Variants in RANBP9 observed in about 807,000 individuals in gnomAD.
RANBP9 encodes the protein RAN binding protein 9, also known as ran-binding protein 9.
A neutral mutation model predicts 84.3 loss-of-function variants in RANBP9; 15 were observed. That is an observed-to-expected ratio of 0.18 (90% confidence interval 0.12 to 0.27). The LOEUF (loss-of-function observed/expected upper bound fraction) is 0.27. Ranked by LOEUF, RANBP9 falls within the 10% of genes least tolerant of loss-of-function variation. The pLI, the probability that RANBP9 is intolerant of heterozygous loss-of-function variation, is 1.00. For synonymous variants in RANBP9, 392 were observed against 349.6 expected, an observed-to-expected ratio of 1.12 and a Z score of -1.35; for missense variants, 809 against 912.8, an observed-to-expected ratio of 0.89 and a Z score of 1.46.
At chr6:13,695,657 CGTGTG>C (rs1264974432) in intron 2 of RANBP9, among the ~76,000 whole-genome samples, 15 of 152,126 alleles carry the variant, frequency 9.9e-5, no homozygotes, top group African/African-American at 3.4e-4. Context: ...TGGTGACAAT[CGTGTG>C]CCTATTTCAA....
intron 3 of RANBP9, 56 bp from the exon 4 acceptor site, chr6:13,657,332 G>A: frequency 7.1e-7 from 1 of 1,413,602 alleles, no homozygotes; most frequent in Non-Finnish European, 9.8e-7. Flanking sequence ...TCTGTACTAG[G>A]TTTATTCACT....
chr6:13,686,100 TCCCCC>T lies in RANBP9; in HGVS notation c.683+10680_683+10684del, dbSNP rs869051500. Among the ~76,000 whole-genome samples the T allele has an allele frequency of 1.7e-3, 12 of 7,008 alleles. 2 individuals carry two copies. The highest frequency in any genetic ancestry group is 6.1e-3 in the African/African-American group (8 of 1,318). 4.6% of individuals were successfully genotyped at this position (7,008 alleles called of 152,430 possible). On this transcript the variant is annotated intron_variant, in intron 2 of 13. Coordinates refer to ENST00000011619, the MANE Select transcript of RANBP9 (RefSeq NM_005493.3). ...TCTTTCCTGAATTTCCAAAATTTCT[TCCCCC>T]CCCCCCCCCCGCCCCCCGAAATAGA...
intron 2 of RANBP9, among the ~76,000 whole-genome samples, chr6:13,686,835 CCTG>C (rs1377241713): frequency 6.6e-6 from 1 of 152,146 alleles, no homozygotes; most frequent in Non-Finnish European, 1.5e-5. Flanking sequence ...ACACACTGCA[CCTG>C]CTATCACCCC....
intron 2 of RANBP9, among the ~76,000 whole-genome samples, chr6:13,679,457 A>AACT (rs958292532): frequency 6.6e-6 from 1 of 152,196 alleles, no homozygotes; most frequent in African/African-American, 2.4e-5. Flanking sequence ...ATCTGTAGTT[A>AACT]ACTACTACAA....
intron 2 of RANBP9, among the ~76,000 whole-genome samples, chr6:13,665,720 C>G (rs1373898338): frequency 6.6e-6 from 1 of 152,100 alleles, no homozygotes; most frequent in African/African-American, 2.4e-5. Context: ...CTTGAAACAG[C>G]CTGGCTATCC....
At position 13,711,556 on chromosome 6, in the gene RANBP9, C is replaced by T. The variant is rs770683098; in HGVS notation, c.-51G>A. On this transcript the variant is annotated 5_prime_UTR_variant, in exon 1 of 14. Coordinates refer to ENST00000011619, the MANE Select transcript of RANBP9 (RefSeq NM_005493.3). ...ACCTCCACCTCTTCTCTCCTTCCTC[C>T]TCTGCTTCCCGGGGGCGCTGTCGCT... is the stretch of plus-strand genomic sequence containing the variant. 2.2e-5 allele frequency: 27 copies of T among 1,234,944 alleles called. No homozygotes were observed. The African/African-American group carries it at 2.8e-4, about 13-fold the overall frequency. The allele number at this position is 1,234,944 out of a possible 1,614,324, so 76.5% of individuals were successfully genotyped here. A position where few individuals can be genotyped will look rare whatever the true frequency, so the allele number is the denominator to read the frequency against.
At position 13,692,225 on chromosome 6, in the gene RANBP9, T is replaced by C. The variant is rs1204537057; in HGVS notation, c.683+4560A>G. On this transcript the variant is annotated intron_variant, in intron 2 of 13. Coordinates refer to ENST00000011619, the MANE Select transcript of RANBP9 (RefSeq NM_005493.3). ...TCGACACGTTTACCAGAGAGATAAA[T>C]GAATGTGACCAAAGAAGTACAATAG... Among the ~76,000 whole-genome samples the C allele has an allele frequency of 7.9e-5, 12 of 151,944 alleles. No homozygotes were observed. The East Asian group carries it at 2.3e-3, about 29-fold the overall frequency.
rs757818699 is a variant in RANBP9, at chr6:13,625,727, T to C, written c.1985A>G (p.Asn662Ser). 2 of 1,612,776 alleles carry C rather than the reference T, an allele frequency of 1.2e-6. No individual in the cohort carries two copies. The highest frequency in any genetic ancestry group is 2.2e-5 in the South Asian group (2 of 91,070). Residue 662 changes from asparagine to serine, a missense_variant, in exon 13 of 14, where the codon AAC (asparagine) becomes AGC (serine). Coordinates refer to ENST00000011619, the MANE Select transcript of RANBP9 (RefSeq NM_005493.3). ...FSLLAYSDPW[N>S]SPVGNQLDPI... ...GTCAAGCTGATTTCCAACTGGGCTGTTCCAGGGATCTGAATATGCTAGTAG... is the reference window on the plus strand; with the variant it reads ...GTCAAGCTGATTTCCAACTGGGCTGCTCCAGGGATCTGAATATGCTAGTAG...
intron 11 of RANBP9, among the ~76,000 whole-genome samples, chr6:13,633,037 AT>A (rs200169433): frequency 1.7e-3 from 244 of 145,380 alleles, no homozygotes; most frequent in Non-Finnish European, 1.5e-3. Context: ...TGAAAAAATA[AT>A]TTTTTTTTTT....
At chr6:13,622,521 C>A in intron 13 of RANBP9, 29 bp from the exon 14 acceptor site, 3 of 1,525,920 alleles carry the variant, frequency 2.0e-6, no homozygotes, top group South Asian at 1.3e-5. Context: ...AAAATGAGAA[C>A]AGCAATTAGC....
At chr6:13,653,950 G>A (rs1249731514) in intron 4 of RANBP9, among the ~76,000 whole-genome samples, 1 of 151,754 alleles carries the variant, frequency 6.6e-6, no homozygotes, top group Admixed American at 6.6e-5. Flanking sequence ...TTTCACAAAA[G>A]TAAAAAGAAT....
intron 12 of RANBP9, among the ~76,000 whole-genome samples, chr6:13,629,092 G>T (rs1478521751): frequency 2.6e-5 from 4 of 151,076 alleles, no homozygotes; most frequent in Non-Finnish European, 5.9e-5. Flanking sequence ...AACCTATACA[G>T]CAACAATAAA....
rs35401168 is a variant in RANBP9 at position 13,627,630 on chromosome 6, C to CAAAA, written c.1948-1870_1948-1867dup. 2.8e-3 allele frequency among the ~76,000 whole-genome samples: 188 copies of CAAAA among 66,384 alleles called. 1 individual carries two copies. The highest frequency in any genetic ancestry group is 0.01 in the African/African-American group (173 of 17,002). The allele number at this position is 66,384 out of a possible 152,430, so 43.6% of individuals were successfully genotyped here. On this transcript the variant is annotated intron_variant, in intron 12 of 13. Coordinates refer to ENST00000011619, the MANE Select transcript of RANBP9 (RefSeq NM_005493.3). ...GGACGACAGAGAGAGACTCCATCTC[C>CAAAA]AAAAAAAAAAAAAAAAAAAAAAAAT... is the stretch of plus-strand genomic sequence containing the variant.
chr6:13,651,276 A>T (rs1765289365), intron 5 of RANBP9, among the ~76,000 whole-genome samples: 1 of 152,170 alleles, frequency 6.6e-6, no homozygotes, highest in African/African-American at 2.4e-5. Flanking sequence ...CGTGGAATCA[A>T]ACCTCTACCG....
intron 2 of RANBP9, among the ~76,000 whole-genome samples, chr6:13,690,297 T>A (rs925220135): frequency 6.6e-5 from 10 of 152,206 alleles, no homozygotes; most frequent in African/African-American, 2.4e-4. Flanking sequence ...CAACATATAT[T>A]TGTTAAATAA....
In RANBP9 at chr6:13,652,284, C is replaced by G. The variant is rs572897189; in HGVS notation, c.927+375G>C. On this transcript the variant is annotated intron_variant, in intron 5 of 13. Transcript: ENST00000011619. ...TTTACTACCTGTTGAATAATATATTCCAAGCACTTTACCTGCCACATAGTA... is the reference window on the plus strand; with the variant it reads ...TTTACTACCTGTTGAATAATATATTGCAAGCACTTTACCTGCCACATAGTA... Among the ~76,000 whole-genome samples the G allele has an allele frequency of 1.1e-4, 17 of 152,286 alleles. No individual in the cohort carries two copies. In the South Asian group the frequency reaches 3.5e-3, roughly 32 times the overall value.
At position 13,637,934 on chromosome 6, in the gene RANBP9, C is replaced by T. The variant is rs1764979931; in HGVS notation, c.1547G>A (p.Gly516Asp). The change falls in exon 10 of 14, where the codon GGT becomes GAT. Residue 516 changes from glycine to aspartate, a missense_variant. Transcript: ENST00000011619. ...HFSGFESCSN[G>D]VISNKAHQSY... Reference sequence around the variant, plus strand: ...TTGATGTGCTTTATTTGATATTACACCATTACTACAACTTTCAAAACCTGA... The same window carrying T: ...TTGATGTGCTTTATTTGATATTACATCATTACTACAACTTTCAAAACCTGA... 2 of 1,600,078 alleles carry T rather than the reference C, an allele frequency of 1.2e-6. No individual in the cohort carries two copies. The highest frequency in any genetic ancestry group is 4.5e-5 in the East Asian group (2 of 44,728).
At chr6:13,659,780 A>C (rs1765500346) in intron 2 of RANBP9, among the ~76,000 whole-genome samples, 1 of 152,204 alleles carries the variant, frequency 6.6e-6, no homozygotes, top group Admixed American at 6.5e-5. Context: ...CTTTTCCCCC[A>C]AATACAGCAA....
intron 12 of RANBP9, among the ~76,000 whole-genome samples, chr6:13,626,511 A>G (rs1764609750): frequency 6.6e-6 from 1 of 152,220 alleles, no homozygotes; most frequent in African/African-American, 2.4e-5. Context: ...CCTATTTCCT[A>G]GATTTGTATG....
Sources: allele counts gnomAD v4.1 joint callset (sites outside exome capture counted in the v4.1 genomes callset), GRCh38; gene constraint gnomAD v4.1.1; transcripts MANE v1.5; gene names NCBI Gene and HGNC (gene_info 2026-07-23, HGNC 2026-07-21).